The following KIAA1217 variants were observed in gnomAD, a reference collection of about 807,000 sequenced individuals.
The protein encoded by KIAA1217 is KIAA1217, also known as sickle tail protein homolog.
Under a neutral mutation model 163.9 loss-of-function variants are expected in KIAA1217, and 88 were observed. The observed-to-expected ratio is 0.54, with a 90% CI of 0.45 to 0.64. The LOEUF (loss-of-function observed/expected upper bound fraction) is 0.64, where lower values mean the gene tolerates loss of function less well. Ranked by LOEUF, KIAA1217 falls within the 30% of genes least tolerant of loss-of-function variation. The pLI, the probability that KIAA1217 is intolerant of heterozygous loss-of-function variation, is 0.00. For missense variants in KIAA1217, 2,372 were observed against 2,475.0 expected (o/e 0.96, Z 0.88); for synonymous variants, 903 against 923.1 (o/e 0.98, Z 0.39).
chr10:24,034,562 C>A (rs1323833449), intron 2 of KIAA1217, among the ~76,000 whole-genome samples: 316 of 109,958 alleles, frequency 2.9e-3, no homozygotes, highest in Middle Eastern at 4.3e-3. Context: ...GACCCTGTCT[C>A]AAAAAAAAAA....
rs142837328 is a variant in KIAA1217 at position 24,406,582 on chromosome 10, A to G, written c.553+25515A>G. ...TAGCTAAAGCTCTCCAGTTTATACA[A>G]TTGAAAAGAGGGAGTACTTTTATCT... On this transcript the variant is annotated intron_variant, in intron 3 of 20. Transcript: ENST00000376454. Among the ~76,000 whole-genome samples, 116 of 152,310 alleles carry G rather than the reference A, an allele frequency of 7.6e-4. 1 individual carries two copies. The East Asian group carries it at 0.019, about 25-fold the overall frequency.
chr10:23,893,939 AC>A (rs1359786247), intron 1 of KIAA1217, among the ~76,000 whole-genome samples: 6 of 151,768 alleles, frequency 4.0e-5, no homozygotes, highest in African/African-American at 1.4e-4. Context: ...AAATTCAACA[AC>A]CCTTCATGCT....
chr10:24,010,977 C>T (rs1239959697), intron 2 of KIAA1217, among the ~76,000 whole-genome samples: 1 of 152,074 alleles, frequency 6.6e-6, no homozygotes, highest in African/African-American at 2.4e-5. Context: ...GCTATAAGTC[C>T]AATCTCTCCT....
chr10:24,170,390 G>A (rs2065570538), intron 2 of KIAA1217, among the ~76,000 whole-genome samples: 1 of 152,186 alleles, frequency 6.6e-6, no homozygotes, highest in South Asian at 2.1e-4. Flanking sequence ...AGAAAACAGA[G>A]ACAGTCTCCA....
chr10:23,992,123 C>A (rs557527587), intron 1 of KIAA1217, among the ~76,000 whole-genome samples: 1 of 152,172 alleles, frequency 6.6e-6, no homozygotes, highest in Non-Finnish European at 1.5e-5. Context: ...ACTCCCCAAA[C>A]CACAAAACTG....
rs748834674 is a variant in KIAA1217, at chr10:24,513,417, G to A, written c.2160G>A (p.Lys720=). ...ERQKYLHEEE[K]IVKKLCELED... ...AAAAATATCTTCATGAGGAAGAGAA[G>A]ATCGTCAAGAAGTTGTGGTGAGTGC... Residue 720 remains lysine, a synonymous_variant, in exon 10 of 21, where the codon AAG becomes AAA. Coordinates refer to ENST00000376454, the MANE Select transcript of KIAA1217 (RefSeq NM_019590.5). 1.2e-6 allele frequency: 2 copies of A among 1,614,192 alleles called. No individual in the cohort carries two copies. Among genetic ancestry groups the A allele is most frequent in the Non-Finnish European group, 1.7e-6 (2 of 1,180,024 alleles).
At chr10:23,968,664 C>T (rs1845173935) in intron 1 of KIAA1217, among the ~76,000 whole-genome samples, 1 of 152,140 alleles carries the variant, frequency 6.6e-6, no homozygotes, top group African/African-American at 2.4e-5. Context: ...AATGACGAAT[C>T]TACTTTTTGT....
At chr10:24,492,946 C>T (rs907134274) in intron 6 of KIAA1217, among the ~76,000 whole-genome samples, 1 of 151,912 alleles carries the variant, frequency 6.6e-6, no homozygotes, top group Admixed American at 6.6e-5. Context: ...CCCAGGTTCC[C>T]GTGATTCTCC....
intron 1 of KIAA1217, chr10:24,007,205 T>C (rs1847041589): frequency 6.6e-6 from 1 of 151,888 alleles, no homozygotes; most frequent in Admixed American, 6.6e-5. Context: ...AACAATTCCA[T>C]TATGACTTGT....
chr10:23,733,539 A>G (rs754587569), intron 1 of KIAA1217, among the ~76,000 whole-genome samples: 10 of 152,194 alleles, frequency 6.6e-5, no homozygotes, highest in Non-Finnish European at 1.5e-4. Context: ...TAGATTACTT[A>G]TAATACCTAA....
At chr10:24,155,530 A>C (rs1267479130) in intron 2 of KIAA1217, among the ~76,000 whole-genome samples, 1 of 152,190 alleles carries the variant, frequency 6.6e-6, no homozygotes, top group Non-Finnish European at 1.5e-5. Flanking sequence ...CTTTTCAAAA[A>C]ATGTCAGGGG....
At chr10:24,344,041 T>G (rs2047420648) in intron 2 of KIAA1217, among the ~76,000 whole-genome samples, 1 of 152,358 alleles carries the variant, frequency 6.6e-6, no homozygotes, top group South Asian at 2.1e-4. Context: ...CTCAGTTCAC[T>G]GTTTTGAAAC....
intron 1 of KIAA1217, among the ~76,000 whole-genome samples, chr10:23,760,900 T>G (rs1331055991): frequency 6.6e-6 from 1 of 152,140 alleles, no homozygotes; most frequent in Non-Finnish European, 1.5e-5. Flanking sequence ...TCCAGGAAGA[T>G]CTAGTCCCAA....
At chr10:23,859,673 T>A (rs1048772037) in intron 1 of KIAA1217, among the ~76,000 whole-genome samples, 2 of 152,224 alleles carry the variant, frequency 1.3e-5, no homozygotes, top group African/African-American at 4.8e-5. Flanking sequence ...CCATGGCATG[T>A]TGCAAAGGTT....
At chr10:23,966,113 T>C (rs13377107) in intron 1 of KIAA1217, among the ~76,000 whole-genome samples, 1 of 152,138 alleles carries the variant, frequency 6.6e-6, no homozygotes, top group Non-Finnish European at 1.5e-5. Context: ...CTGAGCCCTG[T>C]GCTTAGAAGG....
intron 1 of KIAA1217, among the ~76,000 whole-genome samples, chr10:23,895,753 C>T (rs1375274616): frequency 5.9e-5 from 9 of 151,806 alleles, no homozygotes; most frequent in African/African-American, 1.2e-4. Flanking sequence ...AAATGTCCAA[C>T]AATGATAGAC....
intron 2 of KIAA1217, among the ~76,000 whole-genome samples, chr10:24,311,990 G>C: frequency 6.6e-6 from 1 of 152,038 alleles, no homozygotes; most frequent in Non-Finnish European, 1.5e-5. Context: ...GACTTTCCTC[G>C]AGGTGGAATT....
rs769397629 is a variant in KIAA1217, at chr10:24,473,444, C to T, written c.1063C>T (p.Pro355Ser). The change falls in exon 6 of 21, where the codon CCA (proline) becomes TCA (serine). Residue 355 changes from proline to serine, a missense_variant. By Grantham distance (74) the Pro-to-Ser change is moderately conservative. This residue lies in a region of KIAA1217 where 1,431 missense variants were observed against 1,470.3 expected (regional missense o/e 0.97). Coordinates refer to ENST00000376454, the MANE Select transcript of KIAA1217 (RefSeq NM_019590.5). ...TIPRDRISSL[P>S]VSRPISPSPS... ...CCCCAGGGACAGAATCTCCAGCCTG[C>T]CAGTCTCCAGACCCATCTCTCCAAG... 1 of 1,614,132 alleles carries T rather than the reference C, an allele frequency of 6.2e-7. No homozygotes were observed. Among genetic ancestry groups the T allele is most frequent in the Admixed American group, 1.7e-5 (1 of 60,028 alleles).
intron 2 of KIAA1217, among the ~76,000 whole-genome samples, chr10:24,070,433 G>A (rs571700423): frequency 5.7e-4 from 86 of 152,174 alleles, no homozygotes; most frequent in African/African-American, 1.9e-3. Context: ...ATGTCTATAC[G>A]TAGGTTTATC....
Sources: allele counts gnomAD v4.1 joint callset (sites outside exome capture counted in the v4.1 genomes callset), GRCh38; gene constraint gnomAD v4.1.1; regional missense constraint gnomAD v4.1.1; transcripts MANE v1.5; gene names NCBI Gene and HGNC (gene_info 2026-07-23, HGNC 2026-07-21).